The following FUS variants were observed in gnomAD, a reference collection of about 807,000 sequenced individuals.
FUS encodes the protein RNA-binding protein FUS.
A neutral mutation model predicts 82.7 loss-of-function variants in FUS; 5 were observed. The ratio of observed to expected loss-of-function variants is 0.06; its 90% CI spans 0.03 to 0.13. FUS has a LOEUF of 0.13. FUS is among the 10% of genes least tolerant of loss of function. The pLI, the probability that FUS is intolerant of heterozygous loss-of-function variation, is 1.00. For missense variants in FUS, 512 were observed against 707.8 expected (o/e 0.72, Z 3.14); for synonymous variants, 281 against 247.4 (o/e 1.14, Z -1.27).
At chr16:31,193,433 C>A (rs781396966), downstream of FUS, 4 of 527,286 alleles carry the variant, frequency 7.6e-6, no homozygotes, top group South Asian at 1.5e-5. Context: ...TGGCCTGATA[C>A]GATATTTGAG....
chr16:31,191,629 A>G (rs1341307869), downstream of FUS: 3 of 724,064 alleles, frequency 4.1e-6, no homozygotes, highest in South Asian at 1.5e-5. Flanking sequence ...CCCCCTTTTC[A>G]CTTTCCTGGA....
chr16:31,185,240 T>C (rs553683553), intron 6 of FUS, 61 bp downstream of exon 6: 31 of 1,528,326 alleles, frequency 2.0e-5, no homozygotes, highest in Admixed American at 6.0e-5. Flanking sequence ...TGCATGAATC[T>C]CCCTGAAGCC....
At chr16:31,194,203 C>A (rs1457977037), downstream of FUS, 1 of 530,098 alleles carries the variant, frequency 1.9e-6, no homozygotes, top group East Asian at 3.9e-5. Context: ...GTAGATTGAC[C>A]AGGAATTAAG....
chr16:31,185,064 G>T lies in FUS; in HGVS notation c.649G>T (p.Gly217Cys). ...TGGACAGCAGGACCGTGGAGGCCGC[G>T]GCAGGGGTGGCAGTGGTGGCGGCGG... ...GYGQQDRGGR[G>C]RGGSGGGGGG... The change falls in exon 6 of 15, where the codon GGC becomes TGC. Residue 217 changes from glycine (G) to cysteine (C), a missense_variant. Transcript: ENST00000254108. 1 of 1,610,854 alleles carries T rather than the reference G, an allele frequency of 6.2e-7. No individual in the cohort carries two copies. The highest frequency in any genetic ancestry group is 2.2e-5 in the East Asian group (1 of 44,756).
At chr16:31,183,791 T>C in intron 3 of FUS, 67 bp from the exon 4 acceptor site, 2 of 1,596,490 alleles carry the variant, frequency 1.3e-6, no homozygotes, top group Non-Finnish European at 1.7e-6. Flanking sequence ...TATGTTTTCT[T>C]TAACCCATTC....
intron 5 of FUS, 79 bp downstream of exon 5, chr16:31,184,475 T>C: frequency 7.4e-7 from 1 of 1,346,630 alleles, no homozygotes; most frequent in Non-Finnish European, 1.0e-6. Context: ...TCTTGCTCTG[T>C]CTCTGTTGCT....
chr16:31,191,515 A>T lies in FUS; in HGVS notation c.*77A>T, dbSNP rs2079360466. 6.7e-7 allele frequency: 1 copy of T among 1,494,934 alleles called. No homozygotes were observed. The highest frequency in any genetic ancestry group is 2.3e-5 in the East Asian group (1 of 44,222). The allele number at this position is 1,494,934 out of a possible 1,614,324, so 92.6% of individuals were successfully genotyped here. On this transcript the variant is annotated 3_prime_UTR_variant, in exon 15 of 15. Transcript: ENST00000254108. ...TACCCTCGTTATTTTGTAACCTTCC[A>T]ATTCCTGATCACCCAAGGGTTTTTT...
chr16:31,192,423 A>G (rs1373440341), downstream of FUS: 1 of 523,280 alleles, frequency 1.9e-6, no homozygotes, highest in Non-Finnish European at 3.7e-6. Context: ...TTAGTTACAC[A>G]GAGCGTAACA....
Position 31,190,983 on chromosome 16 carries a change from C to T in FUS, c.1414C>T (p.Arg472Cys), listed in dbSNP as rs914056789. The T allele has an allele frequency of 1.4e-5, 22 of 1,613,104 alleles. No homozygotes were observed. The highest frequency in any genetic ancestry group is 4.5e-5 in the East Asian group (2 of 44,848). The stretch of plus-strand genomic sequence containing the variant: ...CCTAGGGGGTAACTACGGGGATGAT[C>T]GTCGTGGTGGCAGAGGAGGCTATGA... ...SHMGGNYGDD[R>C]RGGRGGYDRG... Residue 472 changes from arginine (R) to cysteine (C), a missense_variant, in exon 14 of 15, where the codon CGT becomes TGT. Physicochemically the swap from Arg to Cys is radical, Grantham distance 180. This residue lies in a region of FUS where 96 missense variants were observed against 120.7 expected (regional missense o/e 0.80). Transcript: ENST00000254108.
rs1278121893 is a variant in FUS at position 31,190,744 on chromosome 16, C to A, written c.1295C>A (p.Thr432Asn). The A allele has an allele frequency of 6.2e-7, 1 of 1,613,720 alleles. No homozygotes were observed. The highest frequency in any genetic ancestry group is 1.7e-5 in the Admixed American group (1 of 60,000). The part of the protein sequence containing the change: ...RAGDWKCPNP[T>N]CENMNFSWRN... ...TGATTGTCTTCCTTTCTCCTTAGCACCTGTGAGAATATGAACTTCTCTTGG... is the reference window on the plus strand; with the variant it reads ...TGATTGTCTTCCTTTCTCCTTAGCAACTGTGAGAATATGAACTTCTCTTGG... Residue 432 changes from threonine to asparagine, a missense_variant and splice_region_variant, in exon 13 of 15, where the codon ACC becomes AAC. Around this residue, in one of 6 missense-constraint regions of FUS, gnomAD observed 0 missense variants for 19.2 expected, o/e 0.00. Transcript: ENST00000254108.
Position 31,180,209 on chromosome 16 carries a change from G to A in FUS, c.-6G>A, listed in dbSNP as rs748050554. On this transcript the variant is annotated 5_prime_UTR_variant, in exon 1 of 15. Coordinates refer to ENST00000254108, the MANE Select transcript of FUS (RefSeq NM_004960.4). Reference sequence around the variant, plus strand: ...TGCTTGCTTGCCTGTGCGCGCGTGCGCGGACATGGCCTCAAACGGTAGGTA... The same window carrying A: ...TGCTTGCTTGCCTGTGCGCGCGTGCACGGACATGGCCTCAAACGGTAGGTA... The A allele has an allele frequency of 9.3e-6, 15 of 1,611,180 alleles. No individual in the cohort carries two copies. The highest frequency in any genetic ancestry group is 2.7e-5 in the African/African-American group (2 of 74,926).
rs111705417 is a variant in FUS at position 31,183,253 on chromosome 16, T to A, written c.190+589T>A. ...AGCCACTGCATTCCAGCCTGGGCAGTGTGTTGAGGCCCCATCTCAAAAACA... is the reference window on the plus strand; with the variant it reads ...AGCCACTGCATTCCAGCCTGGGCAGAGTGTTGAGGCCCCATCTCAAAAACA... On this transcript the variant is annotated intron_variant, in intron 3 of 14. Transcript: ENST00000254108. 3.9e-3 allele frequency: 689 copies of A among 174,582 alleles called. 1 individual carries two copies. Among genetic ancestry groups the A allele is most frequent in the Non-Finnish European group, 6.1e-3 (492 of 80,550 alleles). 10.8% of individuals were successfully genotyped at this position (174,582 alleles called of 1,614,324 possible). A position where few individuals can be genotyped will look rare whatever the true frequency, so the allele number is the denominator to read the frequency against.
chr16:31,194,259 T>G (rs2144156042), downstream of FUS: 1 of 531,522 alleles, frequency 1.9e-6, no homozygotes, highest in Non-Finnish European at 3.6e-6. Flanking sequence ...GATCTACCTT[T>G]AGGCATGTCT....
downstream of FUS, chr16:31,194,136 C>T: frequency 1.9e-6 from 1 of 531,820 alleles, no homozygotes; most frequent in Non-Finnish European, 3.6e-6. Flanking sequence ...CCATCTTGTG[C>T]CGGGCCTTCC....
At chr16:31,182,277 C>A in intron 1 of FUS, 121 bp from the exon 2 acceptor site, 1 of 1,172,732 alleles carries the variant, frequency 8.5e-7, no homozygotes, top group Non-Finnish European at 1.3e-6. Flanking sequence ...AGGCATGATC[C>A]ACCGTGCCTG....
rs887799692 is a variant in FUS at position 31,186,667 on chromosome 16, A to T, written c.765-135A>T. ...TCAGACAAGGGGTGGTCAGGAAGGGATGTATTTTAGTAGCCACTTGTATCT... is the reference window on the plus strand; with the variant it reads ...TCAGACAAGGGGTGGTCAGGAAGGGTTGTATTTTAGTAGCCACTTGTATCT... On this transcript the variant is annotated intron_variant, in intron 6 of 14. Coordinates refer to ENST00000254108, the MANE Select transcript of FUS (RefSeq NM_004960.4). 5 of 770,394 alleles carry T rather than the reference A, an allele frequency of 6.5e-6. No individual in the cohort carries two copies. The East Asian group carries it at 1.0e-4, about 16-fold the overall frequency. The allele number at this position is 770,394 out of a possible 1,614,324, so 47.7% of individuals were successfully genotyped here.
intron 10 of FUS, 24 bp from the exon 11 acceptor site, chr16:31,190,014 CTG>C: frequency 6.3e-7 from 1 of 1,593,784 alleles, no homozygotes; most frequent in Non-Finnish European, 8.6e-7. Flanking sequence ...CATTTAAAGT[CTG>C]TTGATGATTT....
At chr16:31,180,889 C>G (rs906501648) in intron 1 of FUS, among the ~76,000 whole-genome samples, 2 of 151,732 alleles carry the variant, frequency 1.3e-5, no homozygotes, top group Non-Finnish European at 2.9e-5. Flanking sequence ...TGGGGACGGC[C>G]CGAGAGTTTT....
intron 6 of FUS, 119 bp from the exon 7 acceptor site, chr16:31,186,683 A>G: frequency 2.3e-6 from 2 of 885,248 alleles, no homozygotes; most frequent in Non-Finnish European, 1.9e-6. Context: ...TTTAGTAGCC[A>G]CTTGTATCTT....
Sources: gnomAD v4.1 joint callset for allele counts (sites outside exome capture counted in the v4.1 genomes callset) on GRCh38, gnomAD v4.1.1 for gene constraint, gnomAD v4.1.1 regional missense constraint, MANE v1.5 for transcripts, NCBI Gene and HGNC (gene_info 2026-07-23, HGNC 2026-07-21) for gene names.